Variants in ATP13A5 observed in about 807,000 individuals in gnomAD.
ATP13A5 encodes the protein ATPase 13A5.
ATP13A5 carries 149 observed loss-of-function variants against 150.2 expected under a neutral mutation model. The observed-to-expected ratio is 0.99, with a 90% CI of 0.87 to 1.14. ATP13A5 has a LOEUF of 1.14. Ranked by LOEUF, ATP13A5 falls within the 50% of genes most tolerant of loss-of-function variation. ATP13A5 has a pLI of 0.00. For synonymous variants in ATP13A5, 497 were observed against 522.2 expected, an observed-to-expected ratio of 0.95 and a Z score of 0.66; for missense variants, 1,383 against 1,449.3, an observed-to-expected ratio of 0.95 and a Z score of 0.74.
At chr3:193,284,817 T>C (rs1560113129) in intron 27 of ATP13A5, 97 bp downstream of exon 27, 1 of 1,032,996 alleles carries the variant, frequency 9.7e-7, no homozygotes, top group Non-Finnish European at 1.4e-6. Context: ...CAATTGTTTC[T>C]TCCTCAGCCC....
At position 193,343,838 on chromosome 3, in the gene ATP13A5, T is replaced by C. The variant is rs1214822049; in HGVS notation, c.943+89A>G. On this transcript the variant is annotated intron_variant, in intron 9 of 29. Transcript: ENST00000342358. ...CTCCCTCACCTATCTCTGAATATCTTAGCAAGGGTCTGGTATAAGGTAGGT... is the reference window on the plus strand; with the variant it reads ...CTCCCTCACCTATCTCTGAATATCTCAGCAAGGGTCTGGTATAAGGTAGGT... The C allele has an allele frequency of 2.8e-6, 4 of 1,451,198 alleles. No homozygotes were observed. In the East Asian group the frequency reaches 7.1e-5, roughly 26 times the overall value. 89.9% of individuals were successfully genotyped at this position (1,451,198 alleles called of 1,614,324 possible).
At chr3:193,275,627 A>G (rs1367998448) in intron 29 of ATP13A5, among the ~76,000 whole-genome samples, 1 of 152,254 alleles carries the variant, frequency 6.6e-6, no homozygotes, top group Non-Finnish European at 1.5e-5. Context: ...GAAGAAAAGA[A>G]AAATCACCAT....
rs199830865 is a variant in ATP13A5 at position 193,275,230 on chromosome 3, A to G, written c.3469T>C (p.Tyr1157His). ...REFGFYSKSQYRTWQKKLAED... is the reference protein window; with the variant it reads ...REFGFYSKSQHRTWQKKLAED... ...GCTAGCTTCTTTTGCCAAGTCCTAT[A>G]TTGACTTTTAGAGTAGAATCCAAAT... The change falls in exon 30 of 30, where the codon TAT becomes CAT. Residue 1157 changes from tyrosine to histidine, a missense_variant. Around this residue, in one of 3 missense-constraint regions of ATP13A5, gnomAD observed 568 missense variants for 621.5 expected, o/e 0.91. Coordinates refer to ENST00000342358, the MANE Select transcript of ATP13A5 (RefSeq NM_198505.4). The G allele has an allele frequency of 4.3e-6, 7 of 1,614,028 alleles. No individual in the cohort carries two copies. In the African/African-American group the frequency reaches 8.0e-5, roughly 18 times the overall value.
intron 18 of ATP13A5, 81 bp downstream of exon 18, chr3:193,314,891 A>C (rs1485336575): frequency 6.5e-7 from 1 of 1,538,842 alleles, no homozygotes; most frequent in African/African-American, 1.4e-5. Context: ...TCTCTGATAC[A>C]TGAACTCACT....
chr3:193,378,443 G>A (rs950698793), intron 1 of ATP13A5, among the ~76,000 whole-genome samples: 5 of 152,204 alleles, frequency 3.3e-5, no homozygotes, highest in African/African-American at 1.2e-4. Flanking sequence ...AAGATGGCAA[G>A]AATTCTATCA....
chr3:193,311,901 C>A lies in ATP13A5; in HGVS notation c.2360G>T (p.Gly787Val), dbSNP rs751305381. The change falls in exon 20 of 30, where the codon GGG becomes GTG. Residue 787 changes from glycine to valine, a missense_variant. By Grantham distance (109) the Gly-to-Val change is moderately radical. Transcript: ENST00000342358. ...AAAATGGTAACAGCTTCCTCCTTCC[C>A]CACGAGGGGTTGAACTGTTTCCAGT... The part of the protein sequence containing the change: ...MHTGNSSTPR[G>V]EGGSCYHFAM... 18 of 1,613,792 alleles carry A rather than the reference C, an allele frequency of 1.1e-5. No individual in the cohort carries two copies. Among genetic ancestry groups the A allele is most frequent in the Non-Finnish European group, 1.5e-5 (18 of 1,179,884 alleles).
In ATP13A5 at chr3:193,320,253, C is replaced by T. The variant is rs1719212241; in HGVS notation, c.1916-1145G>A. ...CATAAAATGAGAATTCCAGATCTCTCTGTCTCCATTCATTTCAGACTTTCT... is the reference window on the plus strand; with the variant it reads ...CATAAAATGAGAATTCCAGATCTCTTTGTCTCCATTCATTTCAGACTTTCT... On this transcript the variant is annotated intron_variant, in intron 16 of 29. Transcript: ENST00000342358. Among the ~76,000 whole-genome samples the T allele has an allele frequency of 2.0e-5, 3 of 152,224 alleles. No individual in the cohort carries two copies. In the South Asian group the frequency reaches 6.2e-4, roughly 32 times the overall value.
At chr3:193,278,081 G>A (rs1327694592) in intron 28 of ATP13A5, among the ~76,000 whole-genome samples, 1 of 152,166 alleles carries the variant, frequency 6.6e-6, no homozygotes. Context: ...AGGGATTACA[G>A]GCATGAGCCA....
intron 5 of ATP13A5, 61 bp from the exon 6 acceptor site, chr3:193,354,257 G>T: frequency 6.9e-7 from 1 of 1,441,458 alleles, no homozygotes; most frequent in Non-Finnish European, 9.5e-7. Flanking sequence ...GTGACTACAG[G>T]CCAAACTAAA....
chr3:193,378,682 T>A lies in ATP13A5; in HGVS notation c.44A>T (p.Gln15Leu). ...SKKDHRALLN[Q>L]GEEDELEVFG... is the part of the protein sequence containing the mutation. Reference sequence around the variant, plus strand: ...ACTCACCAGTTCATCCTCCTCTCCCTGGTTGAGCAAAGCCCGATGGTCCTT... The same window carrying A: ...ACTCACCAGTTCATCCTCCTCTCCCAGGTTGAGCAAAGCCCGATGGTCCTT... Residue 15 changes from glutamine (Q) to leucine (L), a missense_variant, in exon 1 of 30, where the codon CAG (glutamine) becomes CTG (leucine). Gln to Leu is a moderately radical substitution (Grantham distance 113). Transcript: ENST00000342358. 1.2e-6 allele frequency: 2 copies of A among 1,613,976 alleles called. No homozygotes were observed. Among genetic ancestry groups the A allele is most frequent in the Non-Finnish European group, 1.7e-6 (2 of 1,179,848 alleles).
intron 16 of ATP13A5, among the ~76,000 whole-genome samples, chr3:193,320,907 T>G (rs6444703): frequency 0.78 from 119,036 of 152,152 alleles, 46,753 homozygotes; most frequent in East Asian, 0.93. Context: ...CTGTGAAAAT[T>G]ATGAATTATC....
At chr3:193,356,379 A>G (rs895357519) in intron 5 of ATP13A5, among the ~76,000 whole-genome samples, 4 of 152,172 alleles carry the variant, frequency 2.6e-5, no homozygotes, top group Non-Finnish European at 4.4e-5. Flanking sequence ...TGAATGAACG[A>G]ATTGATGGCT....
intron 9 of ATP13A5, among the ~76,000 whole-genome samples, chr3:193,336,870 C>T (rs1711889620): frequency 6.6e-6 from 1 of 152,138 alleles, no homozygotes; most frequent in Non-Finnish European, 1.5e-5. Context: ...AAAAGTGTTC[C>T]TATTTCTCCA....
chr3:193,369,693 A>G (rs1432329019), intron 1 of ATP13A5, among the ~76,000 whole-genome samples: 2 of 152,178 alleles, frequency 1.3e-5, no homozygotes, highest in Non-Finnish European at 2.9e-5. Context: ...AAATGGGATG[A>G]AAGTGTCTGA....
intron 29 of ATP13A5, among the ~76,000 whole-genome samples, chr3:193,275,962 A>G (rs1256137635): frequency 1.3e-5 from 2 of 152,170 alleles, no homozygotes; most frequent in South Asian, 2.1e-4. Context: ...ATCGCTGTAT[A>G]GCTATTTAAA....
At chr3:193,331,041 G>A in intron 12 of ATP13A5, 82 bp downstream of exon 12, 1 of 1,408,600 alleles carries the variant, frequency 7.1e-7, no homozygotes, top group Non-Finnish European at 9.8e-7. Flanking sequence ...GGGAACACTG[G>A]ACTAGACATT....
intron 12 of ATP13A5, among the ~76,000 whole-genome samples, chr3:193,329,996 A>G (rs577906001): frequency 6.1e-4 from 93 of 152,290 alleles, no homozygotes; most frequent in East Asian, 3.1e-3. Context: ...TTAGCGTGGC[A>G]TATGAGGCCC....
chr3:193,278,618 A>G (rs1405606206), intron 28 of ATP13A5, among the ~76,000 whole-genome samples: 1 of 152,120 alleles, frequency 6.6e-6, no homozygotes, highest in African/African-American at 2.4e-5. Flanking sequence ...TACCTGGCAA[A>G]ATGTGGCCTA....
chr3:193,335,517 A>C (rs544541128), intron 9 of ATP13A5, among the ~76,000 whole-genome samples: 1 of 152,260 alleles, frequency 6.6e-6, no homozygotes, highest in South Asian at 2.1e-4. Flanking sequence ...CCATTCATTC[A>C]GCTATTTTAG....
Sources: gnomAD v4.1 joint callset for allele counts (sites outside exome capture counted in the v4.1 genomes callset) on GRCh38, gnomAD v4.1.1 for gene constraint, gnomAD v4.1.1 regional missense constraint, MANE v1.5 for transcripts, NCBI Gene and HGNC (gene_info 2026-07-23, HGNC 2026-07-21) for gene names.